Variants in SLCO1B1 observed in about 807,000 individuals in gnomAD.
SLCO1B1 encodes the protein solute carrier organic anion transporter family member 1B1.
A neutral mutation model predicts 70.1 loss-of-function variants in SLCO1B1; 81 were observed. The observed-to-expected ratio is 1.16, with a 90% CI of 0.97 to 1.39. The LOEUF is 1.39. Among genes scored for constraint, SLCO1B1 ranks in the 40% most tolerant of loss-of-function variants. The pLI is 0.00. For synonymous variants in SLCO1B1, 283 were observed against 271.5 expected (o/e 1.04, Z -0.42); for missense variants, 895 against 799.6 (o/e 1.12, Z -1.44).
chr12:21,207,131 A>T (rs1459665400), intron 11 of SLCO1B1, among the ~76,000 whole-genome samples: 4 of 152,024 alleles, frequency 2.6e-5, no homozygotes, highest in South Asian at 2.1e-4. Flanking sequence ...GCTGTTTTTT[A>T]AAAAAATAAT....
intron 1 of SLCO1B1, among the ~76,000 whole-genome samples, chr12:21,139,577 T>C (rs1046475881): frequency 2.0e-5 from 3 of 152,152 alleles, no homozygotes; most frequent in African/African-American, 7.2e-5. Flanking sequence ...CCTTGTTGAA[T>C]AAATTAGTGA....
intron 2 of SLCO1B1, among the ~76,000 whole-genome samples, chr12:21,150,787 C>G (rs1423465447): frequency 6.6e-6 from 1 of 152,172 alleles, no homozygotes; most frequent in Non-Finnish European, 1.5e-5. Flanking sequence ...AATGCCTCAT[C>G]TCCTCCAAAG....
intron 2 of SLCO1B1, among the ~76,000 whole-genome samples, chr12:21,147,524 C>T (rs1940404884): frequency 6.6e-6 from 1 of 152,144 alleles, no homozygotes; most frequent in Admixed American, 6.6e-5. Flanking sequence ...TGAGTGGGAA[C>T]ATGCAGTGTT....
At chr12:21,191,597 C>A (rs1417168508) in intron 7 of SLCO1B1, among the ~76,000 whole-genome samples, 1 of 152,042 alleles carries the variant, frequency 6.6e-6, no homozygotes, top group Non-Finnish European at 1.5e-5. Context: ...AATTTTACTT[C>A]TTTCTTTCAA....
At chr12:21,145,723 C>G (rs552685416) in intron 2 of SLCO1B1, among the ~76,000 whole-genome samples, 1 of 151,996 alleles carries the variant, frequency 6.6e-6, no homozygotes, top group African/African-American at 2.4e-5. Context: ...TATGTGACTT[C>G]TAGATTTTTG....
At position 21,172,758 on chromosome 12, in the gene SLCO1B1, C is replaced by T; in HGVS notation, c.193C>T (p.Leu65Phe). 6.2e-7 allele frequency: 1 copy of T among 1,613,408 alleles called. No individual in the cohort carries two copies. Among genetic ancestry groups the T allele is most frequent in the Non-Finnish European group, 8.5e-7 (1 of 1,179,696 alleles). Residue 65 changes from leucine (L) to phenylalanine (F), a missense_variant, in exon 3 of 15, where the codon CTT becomes TTT. Physicochemically the swap from Leu to Phe is conservative, Grantham distance 22. Coordinates refer to ENST00000256958, the MANE Select transcript of SLCO1B1 (RefSeq NM_006446.5). ...ACGGAGATTTGAGATATCCTCTTCT[C>T]TTGTTGGTTTTATTGACGGAAGCTT... ...IERRFEISSS[L>F]VGFIDGSFEI...
intron 7 of SLCO1B1, among the ~76,000 whole-genome samples, chr12:21,181,374 A>G (rs919792207): frequency 6.6e-6 from 1 of 152,208 alleles, no homozygotes; most frequent in South Asian, 2.1e-4. Context: ...GTCACAGGTG[A>G]TGAATAAATA....
intron 7 of SLCO1B1, among the ~76,000 whole-genome samples, chr12:21,181,527 T>A (rs12821228): frequency 0.12 from 18,260 of 152,226 alleles, 1,303 homozygotes; most frequent in Non-Finnish European, 0.16. Flanking sequence ...GGTAGTTTGT[T>A]ATCAAGTCAA....
intron 2 of SLCO1B1, among the ~76,000 whole-genome samples, chr12:21,155,420 A>C (rs770683680): frequency 5.3e-5 from 8 of 151,634 alleles, no homozygotes; most frequent in Non-Finnish European, 1.0e-4. Flanking sequence ...TCATTTTGCT[A>C]ATATTCTTTT....
intron 7 of SLCO1B1, among the ~76,000 whole-genome samples, chr12:21,194,016 C>T (rs1205610480): frequency 4.6e-5 from 7 of 152,190 alleles, no homozygotes; most frequent in African/African-American, 7.2e-5. Context: ...TGGTCTCGAT[C>T]TCCTGACCTT....
At chr12:21,232,836 T>C (rs1941555640) in intron 14 of SLCO1B1, among the ~76,000 whole-genome samples, 1 of 152,126 alleles carries the variant, frequency 6.6e-6, no homozygotes, top group Non-Finnish European at 1.5e-5. Context: ...TGGGTTCCCT[T>C]TCTCTGCAGC....
chr12:21,185,462 C>T (rs1940953143), intron 7 of SLCO1B1, among the ~76,000 whole-genome samples: 1 of 151,868 alleles, frequency 6.6e-6, no homozygotes, highest in Non-Finnish European at 1.5e-5. Flanking sequence ...TTCTTAAAAC[C>T]ACCCAAAAGT....
chr12:21,220,826 A>AAG (rs1555097102), intron 12 of SLCO1B1, among the ~76,000 whole-genome samples: 8 of 149,728 alleles, frequency 5.3e-5, no homozygotes, highest in African/African-American at 7.4e-5. Flanking sequence ...AAAAAAAAAA[A>AAG]AAAAGAAAAG....
intron 1 of SLCO1B1, among the ~76,000 whole-genome samples, chr12:21,135,620 G>A (rs1199555991): frequency 6.6e-6 from 1 of 151,974 alleles, no homozygotes; most frequent in East Asian, 2.0e-4. Flanking sequence ...ATCTTTGTTG[G>A]TATAAAGTCT....
At chr12:21,185,297 T>A (rs11045828) in intron 7 of SLCO1B1, among the ~76,000 whole-genome samples, 49,265 of 151,934 alleles carry the variant, frequency 0.32, 8,464 homozygotes, top group African/African-American at 0.43. Context: ...CCCAGCACTA[T>A]CAGAATATGC....
rs1231069437 is a variant in SLCO1B1 at position 21,200,015 on chromosome 12, G to A, written c.971-493G>A. Among the ~76,000 whole-genome samples the A allele has an allele frequency of 2.6e-5, 4 of 152,172 alleles. No individual in the cohort carries two copies. The East Asian group carries it at 7.7e-4, about 29-fold the overall frequency. ...GGGGTTTCACCATGTTGGCCAGGCT[G>A]GTCTCGAATTCCTGACCCCAGGTGA... is the stretch of plus-strand genomic sequence containing the variant. On this transcript the variant is annotated intron_variant, in intron 8 of 14. Coordinates refer to ENST00000256958, the MANE Select transcript of SLCO1B1 (RefSeq NM_006446.5).
At chr12:21,203,764 G>A (rs1941183363) in intron 10 of SLCO1B1, among the ~76,000 whole-genome samples, 1 of 151,988 alleles carries the variant, frequency 6.6e-6, no homozygotes, top group African/African-American at 2.4e-5. Context: ...CCTTAGAGAT[G>A]ATGCAATCCA....
intron 10 of SLCO1B1, among the ~76,000 whole-genome samples, chr12:21,204,093 A>G (rs1941186760): frequency 6.6e-6 from 1 of 151,982 alleles, no homozygotes; most frequent in African/African-American, 2.4e-5. Context: ...GATAAATAAT[A>G]TAATTAATGG....
In SLCO1B1 at chr12:21,224,705, C is replaced by T. The variant is rs1941464936; in HGVS notation, c.1748-17C>T. 1.5e-6 allele frequency: 2 copies of T among 1,366,568 alleles called. No homozygotes were observed. Among genetic ancestry groups the T allele is most frequent in the Non-Finnish European group, 2.1e-6 (2 of 955,828 alleles). 84.7% of individuals were successfully genotyped at this position (1,366,568 alleles called of 1,614,324 possible). Reference sequence around the variant, plus strand: ...AATATGTTCCCTAAACTGACATCTTCTCTTCTCCTATTACAGGAGGAATTC... The same window carrying T: ...AATATGTTCCCTAAACTGACATCTTTTCTTCTCCTATTACAGGAGGAATTC... On this transcript the variant is annotated splice_polypyrimidine_tract_variant and intron_variant, in intron 13 of 14. Transcript: ENST00000256958.
Sources: allele counts gnomAD v4.1 joint callset (sites outside exome capture counted in the v4.1 genomes callset), GRCh38; gene constraint gnomAD v4.1.1; transcripts MANE v1.5; gene names NCBI Gene and HGNC (gene_info 2026-07-23, HGNC 2026-07-21).